The following RAB33A variants were observed in gnomAD, a reference collection of about 807,000 sequenced individuals.
RAB33A encodes RAB33A, member RAS oncogene family, also known as ras-related protein Rab-33A.
Under a neutral mutation model 12.0 loss-of-function variants are expected in RAB33A, and 6 were observed. The ratio of observed to expected loss-of-function variants is 0.50; its 90% CI spans 0.27 to 0.99. The LOEUF is 0.99. RAB33A is among the 50% of genes least tolerant of loss of function. RAB33A has a pLI of 0.11. For missense variants in RAB33A, 109 were observed against 192.0 expected, an observed-to-expected ratio of 0.57 and a Z score of 2.55; for synonymous variants, 70 against 82.4, an observed-to-expected ratio of 0.85 and a Z score of 0.81.
chrX:130,179,767 A>G (rs763697946), intron 1 of RAB33A, among the ~76,000 whole-genome samples: 1 of 98,675 alleles, frequency 1.0e-5, no homozygotes, highest in Admixed American at 1.2e-4. Flanking sequence ...TTAGTGGTTC[A>G]GGCCATCACT....
At chrX:130,129,442 AC>A in the RAB33A span, 1 of 597,540 alleles carries the variant, frequency 1.7e-6, no homozygotes. Flanking sequence ...TTCACAAAGG[AC>A]TTGATCATTC....
chrX:130,155,771 C>T, the RAB33A span, among the ~76,000 whole-genome samples: 1 of 111,891 alleles, frequency 8.9e-6, no homozygotes, highest in Non-Finnish European at 1.9e-5. Context: ...TTAGACTGAT[C>T]GGCTTAGTCA....
At chrX:130,136,096 A>C in the RAB33A span, 1 of 1,211,923 alleles carries the variant, frequency 8.3e-7, no homozygotes, top group Non-Finnish European at 1.1e-6. Context: ...GGAAGCCACC[A>C]AAATCTGAGT....
chrX:130,152,337 G>A, the RAB33A span, among the ~76,000 whole-genome samples: 1 of 110,462 alleles, frequency 9.1e-6, no homozygotes, highest in East Asian at 2.8e-4. Flanking sequence ...GCAAGAATGA[G>A]GTCGATCTGT....
At chrX:130,146,407 G>A in the RAB33A span, among the ~76,000 whole-genome samples, 1 of 109,549 alleles carries the variant, frequency 9.1e-6, no homozygotes, top group African/African-American at 3.3e-5. Context: ...TTCGGCCACT[G>A]CACTCCAGCA....
the RAB33A span, chrX:130,145,533 A>T: frequency 8.3e-7 from 1 of 1,209,800 alleles, no homozygotes; most frequent in African/African-American, 1.7e-5. Flanking sequence ...GCAGGTCCTG[A>T]GCAGAGACAT....
chrX:130,118,531 G>T, the RAB33A span, among the ~76,000 whole-genome samples: 19 of 112,834 alleles, frequency 1.7e-4, no homozygotes, highest in Admixed American at 2.8e-4. Flanking sequence ...CCACATCGGG[G>T]TTGAGGGTTG....
In RAB33A at chrX:130,175,053, G is replaced by T. The variant is rs183991546; in HGVS notation, c.258+2733G>T. ...TGAATAAGCAAAGAGCCCAGGCTAG[G>T]CACTTTACATGCATTATCTTATTTA... On this transcript the variant is annotated intron_variant, in intron 1 of 1. Transcript: ENST00000257017. Among the ~76,000 whole-genome samples the T allele has an allele frequency of 6.3e-5, 7 of 111,373 alleles. No individual in the cohort carries two copies. The East Asian group carries it at 2.0e-3, about 31-fold the overall frequency.
the RAB33A span, among the ~76,000 whole-genome samples, chrX:130,144,758 C>T: frequency 1.8e-5 from 2 of 112,283 alleles, no homozygotes; most frequent in Non-Finnish European, 3.8e-5. Context: ...TACAGTTAGC[C>T]CCTAGAGGGC....
the RAB33A span, chrX:130,138,600 G>C: frequency 8.3e-7 from 1 of 1,203,646 alleles, no homozygotes. Context: ...CACCCTTTCT[G>C]CCAAGAGCAC....
the RAB33A span, chrX:130,145,481 T>C: frequency 8.3e-7 from 1 of 1,206,228 alleles, no homozygotes; most frequent in Non-Finnish European, 1.1e-6. Context: ...TAGCTCACCT[T>C]CTTCCCAGTG....
the RAB33A span, among the ~76,000 whole-genome samples, chrX:130,118,871 G>A: frequency 9.0e-6 from 1 of 111,514 alleles, no homozygotes; most frequent in South Asian, 3.8e-4. Context: ...CTTGGATGTC[G>A]GGTCCCCTCG....
At chrX:130,133,096 T>G in the RAB33A span, among the ~76,000 whole-genome samples, 3 of 111,821 alleles carry the variant, frequency 2.7e-5, no homozygotes, top group Non-Finnish European at 3.8e-5. Context: ...TTTTTTCTCT[T>G]TTAATGTTTT....
the RAB33A span, among the ~76,000 whole-genome samples, chrX:130,159,880 GC>G: frequency 9.2e-6 from 1 of 108,793 alleles, no homozygotes; most frequent in Non-Finnish European, 1.9e-5. Context: ...GAGTGCAGTG[GC>G]ACAATCTCGG....
chrX:130,113,001 G>A, the RAB33A span, among the ~76,000 whole-genome samples: 2 of 108,740 alleles, frequency 1.8e-5, no homozygotes, highest in Non-Finnish European at 3.8e-5. Context: ...AATCACATCA[G>A]GGTAAATGGG....
chrX:130,165,649 C>G, the RAB33A span: 1 of 1,193,239 alleles, frequency 8.4e-7, no homozygotes, highest in Non-Finnish European at 1.1e-6. Flanking sequence ...GCCTCCACAC[C>G]GGAACATTTC....
At chrX:130,153,352 CAAAAA>C in the RAB33A span, among the ~76,000 whole-genome samples, 1 of 42,860 alleles carries the variant, frequency 2.3e-5, no homozygotes, top group African/African-American at 9.7e-5. Flanking sequence ...GACTCCGTTT[CAAAAA>C]AAAAAAAAAA....
At chrX:130,128,605 G>A in the RAB33A span, among the ~76,000 whole-genome samples, 1 of 112,303 alleles carries the variant, frequency 8.9e-6, no homozygotes, top group African/African-American at 3.2e-5. Flanking sequence ...ATTTTTAAAA[G>A]TTAAGCAATC....
chrX:130,177,055 G>T (rs2031671423), intron 1 of RAB33A, among the ~76,000 whole-genome samples: 1 of 112,351 alleles, frequency 8.9e-6, no homozygotes, highest in African/African-American at 3.2e-5. Flanking sequence ...CAAAAGGTTA[G>T]ATATCTCTTT....
Sources: allele counts gnomAD v4.1 joint callset (sites outside exome capture counted in the v4.1 genomes callset), GRCh38; gene constraint gnomAD v4.1.1; transcripts MANE v1.5; gene names NCBI Gene and HGNC (gene_info 2026-07-23, HGNC 2026-07-21).